Variants in CHD6 observed in about 807,000 individuals in gnomAD.
CHD6 encodes the protein chromodomain helicase DNA binding protein 6.
CHD6 carries 50 observed loss-of-function variants against 276.9 expected under a neutral mutation model. The ratio of observed to expected loss-of-function variants is 0.18; its 90% CI spans 0.14 to 0.23. The LOEUF (loss-of-function observed/expected upper bound fraction) is 0.23, where lower values mean the gene tolerates loss of function less well. Among genes scored for constraint, CHD6 ranks in the 10% least tolerant of loss-of-function variants. CHD6 has a pLI of 1.00. For missense variants in CHD6, 2,564 were observed against 3,365.8 expected, an observed-to-expected ratio of 0.76 and a Z score of 5.89; for synonymous variants, 1,173 against 1,229.3, an observed-to-expected ratio of 0.95 and a Z score of 0.96.
intron 1 of CHD6, among the ~76,000 whole-genome samples, chr20:41,606,402 T>C (rs964688485): frequency 2.0e-5 from 3 of 152,178 alleles, no homozygotes; most frequent in African/African-American, 7.2e-5. Context: ...TAGTTCCAGC[T>C]ACTCAGGAGG....
At chr20:41,524,267 G>A (rs760630153) in intron 3 of CHD6, among the ~76,000 whole-genome samples, 6 of 152,108 alleles carry the variant, frequency 3.9e-5, no homozygotes, top group Non-Finnish European at 8.8e-5. Flanking sequence ...AGTTGGTATT[G>A]ATTTTTTAAA....
At chr20:41,584,374 A>T (rs562902023) in intron 1 of CHD6, among the ~76,000 whole-genome samples, 1 of 152,296 alleles carries the variant, frequency 6.6e-6, no homozygotes, top group African/African-American at 2.4e-5. Context: ...AAATACACAT[A>T]TCCATAATTA....
At chr20:41,539,481 G>A (rs1397624345) in intron 2 of CHD6, among the ~76,000 whole-genome samples, 1 of 152,182 alleles carries the variant, frequency 6.6e-6, no homozygotes, top group African/African-American at 2.4e-5. Flanking sequence ...CTGGTCACTG[G>A]TCACTTGCAT....
intron 13 of CHD6, 123 bp downstream of exon 13, chr20:41,488,305 A>C: frequency 2.1e-6 from 2 of 971,198 alleles, no homozygotes; most frequent in Non-Finnish European, 3.0e-6. Flanking sequence ...ATAGAGACCA[A>C]AAAAGAAAAT....
intron 16 of CHD6, among the ~76,000 whole-genome samples, chr20:41,475,662 T>C (rs2145793185): frequency 6.6e-6 from 1 of 151,672 alleles, no homozygotes; most frequent in South Asian, 2.1e-4. Flanking sequence ...AACAGCCATT[T>C]CCCCCCCTCT....
chr20:41,521,860 C>A (rs189262943), intron 3 of CHD6, among the ~76,000 whole-genome samples: 1 of 152,306 alleles, frequency 6.6e-6, no homozygotes, highest in East Asian at 1.9e-4. Flanking sequence ...GCTTGAAGAG[C>A]TTTCGTTGCC....
At chr20:41,609,943 G>A (rs547521132) in intron 1 of CHD6, among the ~76,000 whole-genome samples, 5 of 141,462 alleles carry the variant, frequency 3.5e-5, no homozygotes, top group African/African-American at 5.2e-5. Context: ...TGCAACCTCC[G>A]CCTCCCGGGT....
intron 1 of CHD6, among the ~76,000 whole-genome samples, chr20:41,595,073 C>T (rs2045704356): frequency 6.6e-6 from 1 of 152,170 alleles, no homozygotes; most frequent in Admixed American, 6.5e-5. Context: ...CTGATCATCT[C>T]TTGTGAGGAG....
chr20:41,569,720 T>C (rs2045396214), intron 1 of CHD6, among the ~76,000 whole-genome samples: 1 of 152,216 alleles, frequency 6.6e-6, no homozygotes, highest in African/African-American at 2.4e-5. Flanking sequence ...GCAATTAAAA[T>C]ATAAAATTTT....
chr20:41,445,658 T>C lies in CHD6; in HGVS notation c.3877+7A>G, dbSNP rs774207204. On this transcript the variant is annotated splice_region_variant and intron_variant, in intron 25 of 36. Coordinates refer to ENST00000373233, the MANE Select transcript of CHD6 (RefSeq NM_032221.5). ...ACAGAAGGGAACGCCTTCAGAGAAA[T>C]ACACACCATGCTTGAACACGCCAAT... 4 of 1,601,192 alleles carry C rather than the reference T, an allele frequency of 2.5e-6. No homozygotes were observed. The highest frequency in any genetic ancestry group is 3.4e-6 in the Non-Finnish European group (4 of 1,168,540).
At chr20:41,564,514 G>T (rs1456277325) in intron 1 of CHD6, among the ~76,000 whole-genome samples, 1 of 152,128 alleles carries the variant, frequency 6.6e-6, no homozygotes, top group East Asian at 1.9e-4. Flanking sequence ...GTTGGGGTTG[G>T]GGACAGGAGA....
chr20:41,463,183 T>C (rs965573768), intron 17 of CHD6, among the ~76,000 whole-genome samples: 1 of 152,160 alleles, frequency 6.6e-6, no homozygotes, highest in African/African-American at 2.4e-5. Context: ...AACCCATGTA[T>C]TCATATTGAC....
chr20:41,445,347 A>C (rs1464157574), intron 25 of CHD6, among the ~76,000 whole-genome samples: 1 of 152,156 alleles, frequency 6.6e-6, no homozygotes, highest in Non-Finnish European at 1.5e-5. Context: ...GGTGTCTACT[A>C]TGTGCCATGC....
chr20:41,405,600 G>A (rs41459246), intron 36 of CHD6, 111 bp from the exon 37 acceptor site: 54,502 of 794,958 alleles, frequency 0.069, 4,619 homozygotes, highest in East Asian at 0.35. Flanking sequence ...GCTGCACGAA[G>A]GGTTCCCAGT....
At chr20:41,564,981 A>C (rs2146194126) in intron 1 of CHD6, among the ~76,000 whole-genome samples, 1 of 152,336 alleles carries the variant, frequency 6.6e-6, no homozygotes, top group South Asian at 2.1e-4. Flanking sequence ...TAGGTAGGGC[A>C]GGCTTGGGGT....
chr20:41,458,137 G>C (rs1165830252), intron 17 of CHD6, among the ~76,000 whole-genome samples: 1 of 152,156 alleles, frequency 6.6e-6, no homozygotes, highest in Non-Finnish European at 1.5e-5. Flanking sequence ...TTGAGCATCT[G>C]AATGTACACC....
intron 10 of CHD6, among the ~76,000 whole-genome samples, chr20:41,492,883 T>C (rs577565092): frequency 2.6e-5 from 4 of 152,316 alleles, no homozygotes; most frequent in African/African-American, 7.2e-5. Flanking sequence ...ATTGTGCCAC[T>C]GCACTCCAGC....
chr20:41,504,629 C>T (rs1031265009), intron 5 of CHD6, among the ~76,000 whole-genome samples: 3 of 151,878 alleles, frequency 2.0e-5, no homozygotes, highest in Admixed American at 6.6e-5. Flanking sequence ...AGGTTGGCCT[C>T]GAAATTCTAA....
At position 41,473,188 on chromosome 20, in the gene CHD6, A is replaced by C; in HGVS notation, c.2664+134T>G. Reference sequence around the variant, plus strand: ...TTTCATTCAGTTTCACCCCCTGACCAAGGCCCTAAGCCTGTCATCCAGCTG... The same window carrying C: ...TTTCATTCAGTTTCACCCCCTGACCCAGGCCCTAAGCCTGTCATCCAGCTG... On this transcript the variant is annotated intron_variant, in intron 17 of 36. Transcript: ENST00000373233. The surrounding 1 kb of genome is among the most constrained non-coding windows in gnomAD (Gnocchi z 4.1). 1.4e-6 allele frequency: 1 copy of C among 726,556 alleles called. No homozygotes were observed. The highest frequency in any genetic ancestry group is 2.2e-6 in the Non-Finnish European group (1 of 454,688). 45.0% of individuals were successfully genotyped at this position (726,556 alleles called of 1,614,324 possible).
Sources: allele counts gnomAD v4.1 joint callset (sites outside exome capture counted in the v4.1 genomes callset), GRCh38; gene constraint gnomAD v4.1.1; non-coding constraint Gnocchi (gnomAD v3.1); transcripts MANE v1.5; gene names NCBI Gene and HGNC (gene_info 2026-07-23, HGNC 2026-07-21).